ASB4: variants seen among roughly 807,000 people sequenced by gnomAD.
The protein encoded by ASB4 is ankyrin repeat and SOCS box containing 4.
ASB4 carries 35 observed loss-of-function variants against 38.6 expected under a neutral mutation model. That is an observed-to-expected ratio of 0.91 (90% confidence interval 0.69 to 1.20). The LOEUF (loss-of-function observed/expected upper bound fraction) is 1.20. Ranked by LOEUF, ASB4 falls within the 50% of genes most tolerant of loss-of-function variation. ASB4 has a pLI of 0.00. For synonymous variants in ASB4, 195 were observed against 201.3 expected (o/e 0.97, Z 0.26); for missense variants, 557 against 527.2 (o/e 1.06, Z -0.55).
At chr7:95,540,710 G>T (rs1790959661), downstream of ASB4, among the ~76,000 whole-genome samples, 1 of 152,214 alleles carries the variant, frequency 6.6e-6, no homozygotes, top group Non-Finnish European at 1.5e-5. Context: ...TCTTAGATAT[G>T]AGGGAAAGAT....
At chr7:95,500,065 A>G (rs1790312872) in intron 2 of ASB4, among the ~76,000 whole-genome samples, 1 of 151,942 alleles carries the variant, frequency 6.6e-6, no homozygotes, top group Non-Finnish European at 1.5e-5. Context: ...AAATGCCAGA[A>G]TATTTATAGA....
chr7:95,542,836 A>G (rs1403031527), downstream of ASB4: 1 of 152,258 alleles, frequency 6.6e-6, no homozygotes, highest in Admixed American at 6.5e-5. Flanking sequence ...TCTCAATGAT[A>G]TTGGATAACC....
chr7:95,486,651 G>A (rs532166029), intron 1 of ASB4, among the ~76,000 whole-genome samples: 3 of 152,304 alleles, frequency 2.0e-5, no homozygotes, highest in Non-Finnish European at 4.4e-5. Context: ...TGGATAAAGC[G>A]GTGCCACAGG....
upstream of ASB4, among the ~76,000 whole-genome samples, chr7:95,483,235 G>C (rs374986166): frequency 6.6e-6 from 1 of 152,176 alleles, no homozygotes; most frequent in Non-Finnish European, 1.5e-5. Flanking sequence ...ATGAGGTCTC[G>C]TAAGCTGCAC....
the ASB4 span, among the ~76,000 whole-genome samples, chr7:95,548,415 A>G: frequency 6.6e-6 from 1 of 152,016 alleles, no homozygotes; most frequent in Non-Finnish European, 1.5e-5. Flanking sequence ...TTGTATCTCA[A>G]CTCCTAGCAT....
At chr7:95,471,654 T>A in the ASB4 span, among the ~76,000 whole-genome samples, 12 of 152,166 alleles carry the variant, frequency 7.9e-5, no homozygotes, top group East Asian at 2.3e-3. Flanking sequence ...AGGTCCTAGC[T>A]TAATGCCCTC....
intron 2 of ASB4, among the ~76,000 whole-genome samples, chr7:95,518,286 G>A (rs144625229): frequency 6.6e-6 from 1 of 152,326 alleles, no homozygotes; most frequent in East Asian, 1.9e-4. Context: ...AAATAAGAGT[G>A]GCTTCCAGGC....
chr7:95,485,205 T>C (rs1334164263), upstream of ASB4, among the ~76,000 whole-genome samples: 1 of 152,168 alleles, frequency 6.6e-6, no homozygotes, highest in Non-Finnish European at 1.5e-5. Context: ...ACATTTATCA[T>C]TACACTTCTA....
intron 2 of ASB4, among the ~76,000 whole-genome samples, chr7:95,521,188 A>G (rs1474835519): frequency 6.6e-6 from 1 of 152,046 alleles, no homozygotes; most frequent in Admixed American, 6.6e-5. Flanking sequence ...ATATATTCTG[A>G]TTATGTTTTC....
chr7:95,549,211 C>T, the ASB4 span, among the ~76,000 whole-genome samples: 14 of 151,840 alleles, frequency 9.2e-5, no homozygotes, highest in African/African-American at 3.4e-4. Context: ...AGTGCTAGAC[C>T]ATATTAAGAA....
Position 95,506,827 on chromosome 7 carries a change from T to C in ASB4, c.487+10770T>C, listed in dbSNP as rs1458926921. 3.3e-5 allele frequency among the ~76,000 whole-genome samples: 5 copies of C among 152,190 alleles called. No homozygotes were observed. The East Asian group carries it at 9.7e-4, about 29-fold the overall frequency. ...AGTTCTGAAAAATGTTCCTGAATTA[T>C]TTCCTGGGTGAGTTCTTTTCTTCTG... On this transcript the variant is annotated intron_variant, in intron 2 of 4. Transcript: ENST00000325885.
At chr7:95,510,885 T>C (rs1168808468) in intron 2 of ASB4, among the ~76,000 whole-genome samples, 1 of 152,226 alleles carries the variant, frequency 6.6e-6, no homozygotes, top group East Asian at 1.9e-4. Context: ...CTTCTTTATT[T>C]ATTTTCTATC....
chr7:95,482,112 T>C (rs1790025889), upstream of ASB4, among the ~76,000 whole-genome samples: 1 of 152,226 alleles, frequency 6.6e-6, no homozygotes, highest in South Asian at 2.1e-4. Context: ...GCTTTGTAGG[T>C]GCAAATAATC....
At chr7:95,515,605 G>A (rs973249455) in intron 2 of ASB4, among the ~76,000 whole-genome samples, 15 of 151,946 alleles carry the variant, frequency 9.9e-5, no homozygotes, top group Non-Finnish European at 2.1e-4. Flanking sequence ...TCATAGAGAC[G>A]GGGTTTCCCC....
In ASB4 at chr7:95,537,740, C is replaced by T. The variant is rs1790916281; in HGVS notation, c.1262C>T (p.Pro421Leu). The T allele has an allele frequency of 1.9e-6, 3 of 1,613,534 alleles. No homozygotes were observed. Among genetic ancestry groups the T allele is most frequent in the Non-Finnish European group, 2.5e-6 (3 of 1,179,658 alleles). ...TTGAAAAAGTACTTGCTTTTAGAGC[C>T]AGAGGGAATTATTTATTAAGCCTTA... is the stretch of plus-strand genomic sequence containing the variant. The part of the protein sequence containing the change: ...LSLKKYLLLE[P>L]EGIIY The change falls in exon 5 of 5, where the codon CCA (proline) becomes CTA (leucine). Residue 421 changes from proline (P) to leucine (L), a missense_variant. Physicochemically the swap from Pro to Leu is moderately conservative, Grantham distance 98. Transcript: ENST00000325885.
chr7:95,480,608 C>T (rs116721715), intron 1 of ASB4, among the ~76,000 whole-genome samples: 2,278 of 152,268 alleles, frequency 0.015, 59 homozygotes, highest in African/African-American at 0.052. Flanking sequence ...GAGAGAACTA[C>T]ATGGACACAA....
At chr7:95,491,981 C>T (rs1371533765) in intron 1 of ASB4, among the ~76,000 whole-genome samples, 1 of 152,226 alleles carries the variant, frequency 6.6e-6, no homozygotes, top group Non-Finnish European at 1.5e-5. Context: ...CTTCCAGATA[C>T]ACTTCAGTAT....
At chr7:95,512,099 G>C (rs1265408706) in intron 2 of ASB4, among the ~76,000 whole-genome samples, 1 of 152,052 alleles carries the variant, frequency 6.6e-6, no homozygotes, top group Non-Finnish European at 1.5e-5. Flanking sequence ...GCTATCTTCT[G>C]TAACACTTGA....
At chr7:95,492,205 G>A (rs559412079) in intron 1 of ASB4, among the ~76,000 whole-genome samples, 1 of 152,296 alleles carries the variant, frequency 6.6e-6, no homozygotes, top group East Asian at 1.9e-4. Flanking sequence ...ATGATTACAG[G>A]AGATGCAGAA....
Sources: allele counts gnomAD v4.1 joint callset (sites outside exome capture counted in the v4.1 genomes callset), GRCh38; gene constraint gnomAD v4.1.1; transcripts MANE v1.5; gene names NCBI Gene and HGNC (gene_info 2026-07-23, HGNC 2026-07-21).